Variants in ACAD11 observed in about 807,000 individuals in gnomAD.
The protein encoded by ACAD11 is acyl-CoA dehydrogenase family member 11.
Under a neutral mutation model 102.2 loss-of-function variants are expected in ACAD11, and 83 were observed. That is an observed-to-expected ratio of 0.81 (90% CI 0.68 to 0.97). The LOEUF (loss-of-function observed/expected upper bound fraction) is 0.97. ACAD11 is among the 50% of genes least tolerant of loss of function. ACAD11 has a pLI of 0.00. For synonymous variants in ACAD11, 324 were observed against 319.8 expected, an observed-to-expected ratio of 1.01 and a Z score of -0.14; for missense variants, 901 against 951.7, an observed-to-expected ratio of 0.95 and a Z score of 0.70.
At chr3:132,610,302 T>A (rs1018444157) in intron 11 of ACAD11, among the ~76,000 whole-genome samples, 2 of 151,760 alleles carry the variant, frequency 1.3e-5, no homozygotes, top group Admixed American at 6.6e-5. Context: ...CACCCTAACA[T>A]CACAATTAAA....
At chr3:132,582,571 T>A (rs1336628920) in intron 13 of ACAD11, among the ~76,000 whole-genome samples, 1 of 152,078 alleles carries the variant, frequency 6.6e-6, no homozygotes, top group Non-Finnish European at 1.5e-5. Flanking sequence ...AATTTGCTTT[T>A]AATCTGAATA....
intron 13 of ACAD11, among the ~76,000 whole-genome samples, chr3:132,590,504 C>T (rs1938031800): frequency 6.6e-6 from 1 of 152,142 alleles, no homozygotes; most frequent in Non-Finnish European, 1.5e-5. Context: ...GCCTTAGCCC[C>T]CCAAAGTGCT....
chr3:132,584,617 T>A (rs960943157), intron 13 of ACAD11, among the ~76,000 whole-genome samples: 3 of 152,230 alleles, frequency 2.0e-5, no homozygotes, highest in African/African-American at 7.2e-5. Context: ...GTTAGCTGGT[T>A]ATTTTGCTCA....
At chr3:132,573,582 A>G (rs1156901070) in intron 17 of ACAD11, among the ~76,000 whole-genome samples, 1 of 152,228 alleles carries the variant, frequency 6.6e-6, no homozygotes, top group African/African-American at 2.4e-5. Flanking sequence ...AGGTTGAAAC[A>G]TGGCTCTGAA....
chr3:132,640,738 T>C (rs1012114590), intron 4 of ACAD11, among the ~76,000 whole-genome samples: 2 of 152,100 alleles, frequency 1.3e-5, no homozygotes, highest in African/African-American at 4.8e-5. Context: ...ACCTATATCT[T>C]AGAGTTGTTG....
Position 132,642,027 on chromosome 3 carries a change from A to G in ACAD11, c.482T>C (p.Ile161Thr). The change falls in exon 4 of 20, where the codon ATA becomes ACA. Residue 161 changes from isoleucine (I) to threonine (T), a missense_variant. Ile to Thr is a moderately conservative substitution (Grantham distance 89). Coordinates refer to ENST00000264990, the MANE Select transcript of ACAD11 (RefSeq NM_032169.5). ...ATATCCTTCCAGCTGCAGTGACTGT[A>G]TATTCAAGGAATGTAACTGAGCCAA... ...ETLAQLHSLN[I>T]QSLQLEGYGI... is the part of the protein sequence containing the mutation. The G allele has an allele frequency of 6.2e-7, 1 of 1,614,042 alleles. No homozygotes were observed. The highest frequency in any genetic ancestry group is 8.5e-7 in the Non-Finnish European group (1 of 1,179,942).
intron 5 of ACAD11, among the ~76,000 whole-genome samples, chr3:132,633,191 T>A (rs889868447): frequency 1.3e-5 from 2 of 152,220 alleles, no homozygotes; most frequent in Non-Finnish European, 2.9e-5. Context: ...GTCCATTCAG[T>A]ATGATATTGG....
At chr3:132,635,021 C>G (rs148891575) in intron 5 of ACAD11, among the ~76,000 whole-genome samples, 5,116 of 150,426 alleles carry the variant, frequency 0.034, 147 homozygotes, top group South Asian at 0.073. Context: ...AACCTGCACG[C>G]TGTGCACATG....
chr3:132,649,138 T>A (rs1940830917), intron 1 of ACAD11, among the ~76,000 whole-genome samples: 1 of 152,164 alleles, frequency 6.6e-6, no homozygotes, highest in Non-Finnish European at 1.5e-5. Flanking sequence ...TTGTCCAAGG[T>A]TTCTCCCCAT....
chr3:132,618,158 CT>C (rs1939480611), intron 11 of ACAD11: 1 of 152,678 alleles, frequency 6.5e-6, no homozygotes. Flanking sequence ...CAATTAGATC[CT>C]TGAAAGAAGG....
intron 5 of ACAD11, among the ~76,000 whole-genome samples, chr3:132,638,585 G>C (rs769325168): frequency 6.6e-6 from 1 of 152,126 alleles, no homozygotes; most frequent in South Asian, 2.1e-4. Flanking sequence ...TACAGTCATT[G>C]TTTTAAAGGA....
Position 132,641,626 on chromosome 3 carries a change from AGAG to A in ACAD11, c.537+343_537+345del, listed in dbSNP as rs71974303. On this transcript the variant is annotated intron_variant, in intron 4 of 19. Transcript: ENST00000264990. The stretch of plus-strand genomic sequence containing the variant: ...AAGAGGAGGAAGAAGAGGAGGAAGA[AGAG>A]GAGGAAGAAGAGGAAGAAGAGGAGG... 1.8e-3 allele frequency among the ~76,000 whole-genome samples: 254 copies of A among 138,814 alleles called. No individual in the cohort carries two copies. In the East Asian group the frequency reaches 0.028, roughly 15 times the overall value. 91.1% of individuals were successfully genotyped at this position (138,814 alleles called of 152,430 possible). A position where few individuals can be genotyped will look rare whatever the true frequency, so the allele number is the denominator to read the frequency against.
At chr3:132,622,065 T>A (rs534581989) in intron 9 of ACAD11, among the ~76,000 whole-genome samples, 1 of 151,958 alleles carries the variant, frequency 6.6e-6, no homozygotes, top group Non-Finnish European at 1.5e-5. Flanking sequence ...TATTGGAGTA[T>A]AACAGCATTT....
intron 17 of ACAD11, among the ~76,000 whole-genome samples, chr3:132,562,295 G>C (rs1160939716): frequency 1.3e-5 from 2 of 152,122 alleles, no homozygotes; most frequent in Non-Finnish European, 1.5e-5. Flanking sequence ...AGTAGAGACA[G>C]GGTTTCACCA....
chr3:132,618,842 T>C, intron 10 of ACAD11, 70 bp from the exon 11 acceptor site: 1 of 1,357,400 alleles, frequency 7.4e-7, no homozygotes, highest in Non-Finnish European at 9.7e-7. Context: ...TTTCTTTTTT[T>C]AAATATTGGT....
chr3:132,570,945 A>G (rs1414804803), intron 17 of ACAD11, among the ~76,000 whole-genome samples: 1 of 152,192 alleles, frequency 6.6e-6, no homozygotes, highest in Non-Finnish European at 1.5e-5. Context: ...TGTCTTCACT[A>G]TTATGAATAG....
chr3:132,657,989 G>A (rs1937903382), intron 1 of ACAD11, among the ~76,000 whole-genome samples: 1 of 150,024 alleles, frequency 6.7e-6, no homozygotes, highest in African/African-American at 2.5e-5. Context: ...AGCATCCCAA[G>A]TAGCTGGGAC....
chr3:132,570,681 G>A (rs377012370), intron 17 of ACAD11, among the ~76,000 whole-genome samples: 53 of 151,936 alleles, frequency 3.5e-4, no homozygotes, highest in African/African-American at 8.4e-4. Flanking sequence ...CCTCTGGTAG[G>A]CTACCATGTC....
Position 132,559,723 on chromosome 3 carries a change from G to A in ACAD11, c.2228+110C>T, listed in dbSNP as rs921424396. 5 of 793,250 alleles carry A rather than the reference G, an allele frequency of 6.3e-6. No homozygotes were observed. In the Admixed American group the frequency reaches 1.0e-4, roughly 17 times the overall value. The allele number at this position is 793,250 out of a possible 1,614,324, so 49.1% of individuals were successfully genotyped here. A position where few individuals can be genotyped will look rare whatever the true frequency, so the allele number is the denominator to read the frequency against. ...ATATTAATGTATATCACTTCATTTA[G>A]CCTTCAATTACACTGAAAATAAACA... On this transcript the variant is annotated intron_variant, in intron 19 of 19. Coordinates refer to ENST00000264990, the MANE Select transcript of ACAD11 (RefSeq NM_032169.5).
Sources: allele counts gnomAD v4.1 joint callset (sites outside exome capture counted in the v4.1 genomes callset), GRCh38; gene constraint gnomAD v4.1.1; transcripts MANE v1.5; gene names NCBI Gene and HGNC (gene_info 2026-07-23, HGNC 2026-07-21).